The following ZFAND6 variants were observed in gnomAD, a reference collection of about 807,000 sequenced individuals.
The protein encoded by ZFAND6 is AN1-type zinc finger protein 6.
ZFAND6 carries 12 observed loss-of-function variants against 24.5 expected under a neutral mutation model. The ratio of observed to expected loss-of-function variants is 0.49; its 90% CI spans 0.31 to 0.79. The LOEUF is 0.79. Ranked by LOEUF, ZFAND6 falls within the 30% of genes least tolerant of loss-of-function variation. The probability of loss-of-function intolerance (pLI) is 0.04; values close to 1 mark genes in which losing one functional copy is unlikely to be tolerated. For missense variants in ZFAND6, 207 were observed against 245.9 expected (o/e 0.84, Z 1.06); for synonymous variants, 92 against 81.5 (o/e 1.13, Z -0.69).
At chr15:80,061,765 C>T (rs187522151) in intron 1 of ZFAND6, among the ~76,000 whole-genome samples, 3 of 152,026 alleles carry the variant, frequency 2.0e-5, no homozygotes, top group Admixed American at 2.0e-4. Flanking sequence ...TTCTTGTTTC[C>T]GGCTCTTGGT....
chr15:80,083,262 A>T (rs2037787594), intron 1 of ZFAND6, among the ~76,000 whole-genome samples: 1 of 152,110 alleles, frequency 6.6e-6, no homozygotes, highest in African/African-American at 2.4e-5. Context: ...AAGTGCTGGG[A>T]TTACAAGCAT....
chr15:80,125,822 T>C (rs1309375827), intron 5 of ZFAND6, among the ~76,000 whole-genome samples: 1 of 152,236 alleles, frequency 6.6e-6, no homozygotes, highest in African/African-American at 2.4e-5. Flanking sequence ...TATTTTCCTA[T>C]CTTGGTATGC....
rs200615757 is a variant in ZFAND6 at position 80,104,536 on chromosome 15, A to AATCC, written c.-18+5983_-18+5986dup. On this transcript the variant is annotated intron_variant, in intron 2 of 6. Transcript: ENST00000261749. ...CCTGTCTCAAATCAGTCAGTCAGTC[A>AATCC]ATCCATCCATCCATCCATCCATCCA... Among the ~76,000 whole-genome samples the AATCC allele has an allele frequency of 0.015, 2,235 of 146,740 alleles. 134 individuals carry two copies. The East Asian group carries it at 0.19, about 13-fold the overall frequency.
At chr15:80,128,015 G>A (rs1477727749) in intron 5 of ZFAND6, among the ~76,000 whole-genome samples, 3 of 152,158 alleles carry the variant, frequency 2.0e-5, no homozygotes, top group East Asian at 1.9e-4. Flanking sequence ...AAAGAGGAAG[G>A]AAATTCTGAT....
chr15:80,135,312 A>C (rs2040811687), intron 6 of ZFAND6, among the ~76,000 whole-genome samples: 1 of 152,236 alleles, frequency 6.6e-6, no homozygotes, highest in South Asian at 2.1e-4. Context: ...TTACCAGTAA[A>C]GCTTCTGGTT....
At chr15:80,091,589 C>T (rs568251344) in intron 1 of ZFAND6, among the ~76,000 whole-genome samples, 1 of 152,066 alleles carries the variant, frequency 6.6e-6, no homozygotes, top group African/African-American at 2.4e-5. Flanking sequence ...TTGATTTGCT[C>T]TTCTTCATCT....
chr15:80,076,817 C>A (rs2037310946), intron 1 of ZFAND6, among the ~76,000 whole-genome samples: 1 of 152,048 alleles, frequency 6.6e-6, no homozygotes, highest in Non-Finnish European at 1.5e-5. Context: ...CCACTTCACT[C>A]TTTAACCACC....
intron 1 of ZFAND6, among the ~76,000 whole-genome samples, chr15:80,084,959 ATTCC>A (rs1278790941): frequency 6.6e-6 from 1 of 152,172 alleles, no homozygotes; most frequent in African/African-American, 2.4e-5. Flanking sequence ...TTCACTACTC[ATTCC>A]TTTTGCTCTA....
intron 2 of ZFAND6, among the ~76,000 whole-genome samples, chr15:80,116,435 ACCAC>A (rs1422094062): frequency 1.3e-5 from 2 of 152,168 alleles, no homozygotes; most frequent in African/African-American, 4.8e-5. Flanking sequence ...TAGGAAAATA[ACCAC>A]TTTCCTCTCC....
chr15:80,064,742 G>A (rs563235215), intron 1 of ZFAND6, among the ~76,000 whole-genome samples: 1 of 152,242 alleles, frequency 6.6e-6, no homozygotes, highest in Admixed American at 6.5e-5. Flanking sequence ...CTGGGCTGAA[G>A]TGATTATCCC....
At chr15:80,071,714 A>G (rs907426433) in intron 1 of ZFAND6, among the ~76,000 whole-genome samples, 4 of 151,714 alleles carry the variant, frequency 2.6e-5, no homozygotes, top group Non-Finnish European at 4.4e-5. Flanking sequence ...GCCACTTTGA[A>G]GTTATGGAGT....
At chr15:80,097,858 C>G (rs2038823404) in intron 1 of ZFAND6, among the ~76,000 whole-genome samples, 1 of 150,764 alleles carries the variant, frequency 6.6e-6, no homozygotes, top group Non-Finnish European at 1.5e-5. Flanking sequence ...TTTATGGGAA[C>G]AAGGTTTTAT....
chr15:80,116,144 C>T (rs1343017299), intron 2 of ZFAND6, among the ~76,000 whole-genome samples: 1 of 148,812 alleles, frequency 6.7e-6, no homozygotes, highest in African/African-American at 2.5e-5. Flanking sequence ...AAGATTTTAA[C>T]TCCAGAGAGA....
At chr15:80,131,656 G>T (rs945650126) in intron 6 of ZFAND6, 1 of 270,778 alleles carries the variant, frequency 3.7e-6, no homozygotes, top group Admixed American at 5.0e-5. Context: ...CTAATCATAC[G>T]TTGTTGTGTG....
chr15:80,094,746 C>T (rs1229632449), intron 1 of ZFAND6, among the ~76,000 whole-genome samples: 1 of 152,084 alleles, frequency 6.6e-6, no homozygotes, highest in African/African-American at 2.4e-5. Context: ...ATCTAATACA[C>T]AGTCCACATT....
At chr15:80,064,213 A>G (rs2036485836) in intron 1 of ZFAND6, among the ~76,000 whole-genome samples, 1 of 152,324 alleles carries the variant, frequency 6.6e-6, no homozygotes, top group Admixed American at 6.5e-5. Flanking sequence ...CACTGAATCA[A>G]AGCATATGAA....
At chr15:80,106,558 A>G (rs747928281) in intron 2 of ZFAND6, among the ~76,000 whole-genome samples, 1 of 151,820 alleles carries the variant, frequency 6.6e-6, no homozygotes, top group African/African-American at 2.4e-5. Context: ...TGAAAAAACC[A>G]AATAATTTTT....
intron 1 of ZFAND6, chr15:80,060,544 C>G (rs1300845268): frequency 2.0e-5 from 3 of 152,150 alleles, no homozygotes. Context: ...ACCTTCACAT[C>G]TCGGAAGTTG....
intron 2 of ZFAND6, chr15:80,111,697 T>C (rs566682195): frequency 7.1e-6 from 2 of 283,216 alleles, no homozygotes; most frequent in Middle Eastern, 1.3e-3. Context: ...TACCACTTTG[T>C]GCTGTGGTAC....
Sources: gnomAD v4.1 joint callset for allele counts (sites outside exome capture counted in the v4.1 genomes callset) on GRCh38, gnomAD v4.1.1 for gene constraint, MANE v1.5 for transcripts, NCBI Gene and HGNC (gene_info 2026-07-23, HGNC 2026-07-21) for gene names.